LRRC37B: variants seen among roughly 807,000 people sequenced by gnomAD.
LRRC37B encodes leucine rich repeat containing 37B.
A neutral mutation model predicts 98.3 loss-of-function variants in LRRC37B; 28 were observed. That is an observed-to-expected ratio of 0.28 (90% CI 0.21 to 0.39). LRRC37B has a LOEUF of 0.39. LRRC37B is among the 10% of genes least tolerant of loss of function. The pLI is 1.00. For missense variants in LRRC37B, 938 were observed against 1,182.7 expected (o/e 0.79, Z 3.03); for synonymous variants, 364 against 442.7 (o/e 0.82, Z 2.23).
chr17:32,049,477 G>T (rs1911686261), intron 10 of LRRC37B, 83 bp downstream of exon 13: 8 of 1,441,886 alleles, frequency 5.5e-6, no homozygotes, highest in Non-Finnish European at 7.4e-6. Flanking sequence ...GAGAACCTGG[G>T]ACTCCCAGGC....
chr17:32,040,112 T>A (rs1188087284), intron 7 of LRRC37B: 1 of 154,024 alleles, frequency 6.5e-6, no homozygotes, highest in Non-Finnish European at 1.4e-5. Flanking sequence ...GTTTACACAT[T>A]TATCTACAAA....
At chr17:32,040,000 T>C (rs1383290920) in intron 7 of LRRC37B, 1 of 152,206 alleles carries the variant, frequency 6.6e-6, no homozygotes, top group Non-Finnish European at 1.5e-5. Context: ...CATTAGTGGA[T>C]AGGAAAAAAA....
chr17:32,016,033 A>G (rs1910642820), upstream of LRRC37B, among the ~76,000 whole-genome samples: 1 of 152,212 alleles, frequency 6.6e-6, no homozygotes, highest in African/African-American at 2.4e-5. Flanking sequence ...TAAAAATATG[A>G]GAAATTAATT....
rs760591432 is a variant in LRRC37B, at chr17:32,035,615, C to T, written c.2180C>T (p.Thr727Met). Reference sequence around the variant, plus strand: ...CTTACAACACTTAAGAACATTCTCACGATGACTGTTGAACTGGAAAAACTG... The same window carrying T: ...CTTACAACACTTAAGAACATTCTCATGATGACTGTTGAACTGGAAAAACTG... The change falls in exon 7 of 12, where the codon ACG (threonine) becomes ATG (methionine). Residue 727 changes from threonine to methionine, a missense_variant. Thr to Met is a moderately conservative substitution (Grantham distance 81). Coordinates refer to ENST00000327564, the Ensembl canonical transcript of LRRC37B. 1.9e-5 allele frequency: 30 copies of T among 1,611,064 alleles called. 1 individual carries two copies. Among genetic ancestry groups the T allele is most frequent in the Middle Eastern group, 3.3e-4 (2 of 6,066 alleles).
chr17:32,044,334 T>G (rs546732942), intron 7 of LRRC37B, among the ~76,000 whole-genome samples: 1 of 152,350 alleles, frequency 6.6e-6, no homozygotes, highest in African/African-American at 2.4e-5. Context: ...ATGTCATGTC[T>G]TCATTTCCTT....
intron 1 of LRRC37B, among the ~76,000 whole-genome samples, chr17:32,009,165 T>G (rs540708605): frequency 1.7e-3 from 257 of 152,334 alleles, no homozygotes; most frequent in African/African-American, 5.6e-3. Context: ...CCTTGTGGTT[T>G]TAATTTGCTT....
intron 1 of LRRC37B, among the ~76,000 whole-genome samples, chr17:32,010,999 CTT>C (rs879813174): frequency 1.0e-4 from 15 of 143,198 alleles, no homozygotes; most frequent in Non-Finnish European, 9.2e-5. Context: ...AAGGATTTCA[CTT>C]TTTTTTTTTT....
chr17:32,027,182 G>A (rs571486329), intron 2 of LRRC37B, among the ~76,000 whole-genome samples: 53 of 152,338 alleles, frequency 3.5e-4, no homozygotes, highest in South Asian at 6.2e-4. Flanking sequence ...TTGTAATAAG[G>A]TTTGGGAGAA....
intron 1 of LRRC37B, among the ~76,000 whole-genome samples, chr17:32,015,593 A>G (rs1348076102): frequency 6.6e-6 from 1 of 152,206 alleles, no homozygotes; most frequent in African/African-American, 2.4e-5. Context: ...GAAGTCTGAA[A>G]ACACTGTAAT....
At chr17:32,049,675 C>T (rs1459239688) in intron 10 of LRRC37B, among the ~76,000 whole-genome samples, 1 of 152,134 alleles carries the variant, frequency 6.6e-6, no homozygotes, top group African/African-American at 2.4e-5. Flanking sequence ...AAGACCAGCT[C>T]GGCCAACGTA....
intron 1 of LRRC37B, among the ~76,000 whole-genome samples, chr17:32,010,138 T>G (rs1322199849): frequency 6.6e-6 from 1 of 152,236 alleles, no homozygotes; most frequent in Non-Finnish European, 1.5e-5. Flanking sequence ...TTTTACAGAT[T>G]TGTTGTTCAT....
intron 7 of LRRC37B, chr17:32,041,940 C>G: frequency 2.4e-6 from 1 of 415,450 alleles, no homozygotes; most frequent in South Asian, 1.7e-5. Flanking sequence ...ACGGCCTTAA[C>G]AGGCTTGGAT....
At chr17:32,019,824 A>G (rs113801940), upstream of LRRC37B, among the ~76,000 whole-genome samples, 329 of 152,266 alleles carry the variant, frequency 2.2e-3, 1 homozygote, top group South Asian at 4.8e-3. Context: ...TCCATCCCTA[A>G]ATGAGGCGAA....
intron 7 of LRRC37B, chr17:32,036,223 A>T (rs138460183): frequency 1.3e-5 from 2 of 152,144 alleles, no homozygotes; most frequent in Non-Finnish European, 2.9e-5. Flanking sequence ...CTGGTTTCGA[A>T]CTCCTGACCT....
At chr17:32,033,205 C>T (rs1168197762) in intron 5 of LRRC37B, among the ~76,000 whole-genome samples, 2 of 151,950 alleles carry the variant, frequency 1.3e-5, no homozygotes, top group Admixed American at 6.6e-5. Context: ...TCTGGAACTC[C>T]TGACCTCAGA....
upstream of LRRC37B, among the ~76,000 whole-genome samples, chr17:32,020,015 T>G (rs1380486022): frequency 6.6e-6 from 1 of 152,070 alleles, no homozygotes; most frequent in Non-Finnish European, 1.5e-5. Context: ...CTGGCTAATT[T>G]TGTATTTTTA....
chr17:32,021,750 C>T lies in LRRC37B; in HGVS notation c.685C>T (p.Leu229Phe), dbSNP rs139257239. 8 of 1,614,094 alleles carry T rather than the reference C, an allele frequency of 5.0e-6. No individual in the cohort carries two copies. The African/African-American group carries it at 9.3e-5, about 19-fold the overall frequency. The change falls in exon 1 of 12, where the codon CTT (leucine) becomes TTT (phenylalanine). Residue 229 changes from leucine (L) to phenylalanine (F), a missense_variant. Physicochemically the swap from Leu to Phe is conservative, Grantham distance 22. This residue lies in a region of LRRC37B where 610 missense variants were observed against 625.6 expected (regional missense o/e 0.98). Transcript: ENST00000327564. ...GAAAGATCTAGCTGAACGTTGGAGC[C>T]TTCCTGAGATTGTTGGGATTCCACA...
intron 11 of LRRC37B, chr17:32,052,819 C>G (rs980275990): frequency 6.5e-6 from 1 of 153,274 alleles, no homozygotes; most frequent in Admixed American, 6.5e-5. Context: ...GTGGTATGCA[C>G]CTGTAGTCCC....
Position 32,031,362 on chromosome 17 carries a change from A to T in LRRC37B, c.1977-16A>T, listed in dbSNP as rs756356089. ...AAATAATTTTTTTTTCCTTTGGCTT[A>T]TGTCTTTTTTTGTAGAAATCTGGGC... is the stretch of plus-strand genomic sequence containing the variant. On this transcript the variant is annotated splice_polypyrimidine_tract_variant and intron_variant, in intron 4 of 11. Transcript: ENST00000327564. 17 of 1,608,254 alleles carry T rather than the reference A, an allele frequency of 1.1e-5. No homozygotes were observed. The South Asian group carries it at 1.6e-4, about 15-fold the overall frequency.
Sources: allele counts gnomAD v4.1 joint callset (sites outside exome capture counted in the v4.1 genomes callset), GRCh38; gene constraint gnomAD v4.1.1; regional missense constraint gnomAD v4.1.1; transcripts MANE v1.5; gene names NCBI Gene and HGNC (gene_info 2026-07-23, HGNC 2026-07-21).